The following SYNE2 variants were observed in gnomAD, a reference collection of about 807,000 sequenced individuals.
SYNE2 encodes nesprin-2.
In SYNE2, 431 loss-of-function variants were observed where a neutral mutation model predicts 856.3. That is an observed-to-expected ratio of 0.50 (90% confidence interval 0.47 to 0.55). SYNE2 has a LOEUF of 0.55. SYNE2 is among the 20% of genes least tolerant of loss of function. The pLI, the probability that SYNE2 is intolerant of heterozygous loss-of-function variation, is 0.00. For missense variants in SYNE2, 8,129 were observed against 8,023.2 expected, an observed-to-expected ratio of 1.01 and a Z score of -0.50; for synonymous variants, 2,923 against 2,872.3, an observed-to-expected ratio of 1.02 and a Z score of -0.56.
intron 7 of SYNE2, among the ~76,000 whole-genome samples, chr14:63,950,689 C>A (rs527272657): frequency 1.6e-4 from 24 of 152,286 alleles, no homozygotes; most frequent in African/African-American, 5.5e-4. Flanking sequence ...CAGGGTCTCA[C>A]TTTGTCACCC....
chr14:64,216,542 C>A, intron 108 of SYNE2, 155 bp downstream of exon 108: 1 of 874,250 alleles, frequency 1.1e-6, no homozygotes, highest in Non-Finnish European at 1.9e-6. Context: ...TTGAGCTGTC[C>A]ATACTTCATT....
At chr14:64,019,565 A>AT (rs1221667585) in intron 34 of SYNE2, among the ~76,000 whole-genome samples, 12 of 152,194 alleles carry the variant, frequency 7.9e-5, no homozygotes, top group African/African-American at 2.9e-4. Context: ...TTTGTCTTGG[A>AT]TTACAGGTTG....
chr14:63,784,317 C>T (rs1887431932), intron 1 of SYNE2, among the ~76,000 whole-genome samples: 1 of 142,394 alleles, frequency 7.0e-6, no homozygotes, highest in South Asian at 2.5e-4. Flanking sequence ...ATGGTGAAAC[C>T]CTGTCTCTAC....
At chr14:64,189,687 G>C (rs1012389207) in intron 98 of SYNE2, among the ~76,000 whole-genome samples, 1 of 152,188 alleles carries the variant, frequency 6.6e-6, no homozygotes, top group African/African-American at 2.4e-5. Flanking sequence ...TCATTAGAAG[G>C]TATGAGGTTT....
At chr14:64,103,154 T>C (rs1274981879) in intron 64 of SYNE2, among the ~76,000 whole-genome samples, 1 of 152,216 alleles carries the variant, frequency 6.6e-6, no homozygotes, top group African/African-American at 2.4e-5. Flanking sequence ...AATGAGCACC[T>C]GCTTGGTTCT....
chr14:64,028,841 A>G (rs2097004701), intron 43 of SYNE2, among the ~76,000 whole-genome samples: 1 of 152,162 alleles, frequency 6.6e-6, no homozygotes, highest in African/African-American at 2.4e-5. Flanking sequence ...CTTCAGTAAA[A>G]TAATTACGAG....
chr14:64,006,982 A>T, intron 30 of SYNE2, 61 bp from the exon 31 acceptor site: 1 of 1,349,872 alleles, frequency 7.4e-7, no homozygotes, highest in South Asian at 1.2e-5. Context: ...AGTTACCCAT[A>T]TTTGTGTTGA....
Position 64,025,160 on chromosome 14 carries a change from C to T in SYNE2, c.5991C>T (p.Asn1997=), listed in dbSNP as rs2096968102. ...AGTTTGAATCTGTGGCCCAATTGAACAACTCTTTGAAGGAATATGGGTTTA... is the reference window on the plus strand; with the variant it reads ...AGTTTGAATCTGTGGCCCAATTGAATAACTCTTTGAAGGAATATGGGTTTA... ...REQFESVAQL[N]NSLKEYGFTE... The change falls in exon 41 of 116, where the codon AAC becomes AAT. Residue 1997 remains asparagine, a synonymous_variant. Coordinates refer to ENST00000555002, the MANE Select transcript of SYNE2 (RefSeq NM_182914.3). 6.2e-7 allele frequency: 1 copy of T among 1,614,064 alleles called. No homozygotes were observed. The highest frequency in any genetic ancestry group is 8.5e-7 in the Non-Finnish European group (1 of 1,179,986).
At chr14:64,087,616 C>T in intron 57 of SYNE2, 55 bp from the exon 58 acceptor site, 1 of 1,551,514 alleles carries the variant, frequency 6.4e-7, no homozygotes, top group South Asian at 1.1e-5. Flanking sequence ...TATTAATCAG[C>T]TTATATCAGG....
chr14:64,220,693 G>T, intron 111 of SYNE2, 56 bp downstream of exon 111: 1 of 1,588,024 alleles, frequency 6.3e-7, no homozygotes, highest in South Asian at 1.1e-5. Context: ...CACGTGGTAG[G>T]AGCAGCAGAT....
intron 6 of SYNE2, among the ~76,000 whole-genome samples, chr14:63,948,026 C>T (rs1255863): frequency 0.47 from 71,929 of 151,960 alleles, 18,326 homozygotes; most frequent in South Asian, 0.56. Flanking sequence ...TCTTGATATC[C>T]GACAGTGTAA....
intron 51 of SYNE2, among the ~76,000 whole-genome samples, chr14:64,066,820 C>A (rs1031314425): frequency 2.0e-5 from 3 of 152,140 alleles, no homozygotes; most frequent in Non-Finnish European, 4.4e-5. Flanking sequence ...ATTTTATCAC[C>A]ATTTTATCGA....
At chr14:64,206,686 A>T (rs2140084616) in intron 100 of SYNE2, among the ~76,000 whole-genome samples, 1 of 152,280 alleles carries the variant, frequency 6.6e-6, no homozygotes, top group South Asian at 2.1e-4. Context: ...TGTAAGCTGA[A>T]TAAATAATGT....
At chr14:64,047,065 C>T (rs1160966211) in intron 45 of SYNE2, among the ~76,000 whole-genome samples, 1 of 152,204 alleles carries the variant, frequency 6.6e-6, no homozygotes, top group African/African-American at 2.4e-5. Flanking sequence ...GGTACCCACA[C>T]TTGGTGGGTC....
intron 38 of SYNE2, chr14:64,023,433 A>C (rs2096953070): frequency 6.5e-6 from 1 of 152,974 alleles, no homozygotes; most frequent in Non-Finnish European, 1.5e-5. Flanking sequence ...TTTAGTGTCC[A>C]CTGGGGAATT....
At chr14:64,079,002 A>G (rs563053451) in intron 55 of SYNE2, among the ~76,000 whole-genome samples, 5 of 152,158 alleles carry the variant, frequency 3.3e-5, no homozygotes, top group African/African-American at 1.2e-4. Flanking sequence ...AACCCAGGAG[A>G]TGGAGGTTGC....
At chr14:64,086,702 CTTTTTTTTTTTTTTT>C (rs56168321) in intron 57 of SYNE2, among the ~76,000 whole-genome samples, 1 of 64,652 alleles carries the variant, frequency 1.5e-5, no homozygotes, top group African/African-American at 6.1e-5. Flanking sequence ...GTATGCAGGT[CTTTTTTTTTTTTTTT>C]TTTTTTTTTT....
chr14:64,068,205 C>T (rs527885997), intron 51 of SYNE2, among the ~76,000 whole-genome samples: 52 of 152,250 alleles, frequency 3.4e-4, no homozygotes, highest in African/African-American at 9.9e-4. Flanking sequence ...CAAGTGCACA[C>T]GGTCACATGA....
In SYNE2 at chr14:63,997,325, T is replaced by C; in HGVS notation, c.3177T>C (p.Asn1059=). 6.2e-7 allele frequency: 1 copy of C among 1,613,602 alleles called. No homozygotes were observed. Among genetic ancestry groups the C allele is most frequent in the Non-Finnish European group, 8.5e-7 (1 of 1,179,846 alleles). Reference sequence around the variant, plus strand: ...GGGGGACCATCACCACATCTGAGAATAGAGGAGGGGATCCCCACAGTGAGG... The same window carrying C: ...GGGGGACCATCACCACATCTGAGAACAGAGGAGGGGATCCCCACAGTGAGG... ...KNEGTITTSE[N]RGGDPHSEAP... Residue 1059 remains asparagine (N), a synonymous_variant, in exon 25 of 116, where the codon AAT becomes AAC. Transcript: ENST00000555002.
Sources: gnomAD v4.1 joint callset for allele counts (sites outside exome capture counted in the v4.1 genomes callset) on GRCh38, gnomAD v4.1.1 for gene constraint, MANE v1.5 for transcripts, NCBI Gene and HGNC (gene_info 2026-07-23, HGNC 2026-07-21) for gene names.